The following CREBBP variants were observed in gnomAD, a reference collection of about 807,000 sequenced individuals.
The protein encoded by CREBBP is CREB-binding protein.
Under a neutral mutation model 265.0 loss-of-function variants are expected in CREBBP, and 19 were observed. The observed-to-expected ratio is 0.07, with a 90% CI of 0.05 to 0.11. The LOEUF is 0.11. Ranked by LOEUF, CREBBP falls within the 10% of genes least tolerant of loss-of-function variation. The pLI is 1.00. For synonymous variants in CREBBP, 1,457 were observed against 1,223.7 expected (o/e 1.19, Z -3.98); for missense variants, 2,525 against 3,219.0 (o/e 0.78, Z 5.22).
intron 28 of CREBBP, among the ~76,000 whole-genome samples, chr16:3,735,431 G>A (rs1596801955): frequency 6.6e-6 from 1 of 152,108 alleles, no homozygotes; most frequent in East Asian, 1.9e-4. Flanking sequence ...CTCGTAGCTG[G>A]GATTACAGGT....
chr16:3,837,582 C>T (rs2054479479), intron 2 of CREBBP, among the ~76,000 whole-genome samples: 2 of 151,490 alleles, frequency 1.3e-5, no homozygotes, highest in South Asian at 4.2e-4. Context: ...CACCACTGCA[C>T]TCCAGCCTGG....
intron 23 of CREBBP, chr16:3,740,774 C>T: frequency 1.7e-6 from 1 of 602,776 alleles, no homozygotes; most frequent in African/African-American, 1.8e-5. Flanking sequence ...CGTTTACGTG[C>T]CCAGGTAACC....
Position 3,793,654 on chromosome 16 carries a change from C to T in CREBBP, c.976-28G>A, listed in dbSNP as rs374689707. 5 of 1,608,378 alleles carry T rather than the reference C, an allele frequency of 3.1e-6. No homozygotes were observed. In the African/African-American group the frequency reaches 6.7e-5, roughly 22 times the overall value. On this transcript the variant is annotated intron_variant, in intron 3 of 30. Coordinates refer to ENST00000262367, the MANE Select transcript of CREBBP (RefSeq NM_004380.3). ...AAAATAAAGCAAAATAATAAAAATA[C>T]TTTAACCTCTCAGAGTTCCAAGTCA...
Position 3,748,235 on chromosome 16 carries a change from G to A in CREBBP, c.3836+1392C>T, listed in dbSNP as rs545649963. 3.0e-4 allele frequency among the ~76,000 whole-genome samples: 45 copies of A among 151,962 alleles called. No homozygotes were observed. The East Asian group carries it at 6.4e-3, about 22-fold the overall frequency. On this transcript the variant is annotated intron_variant, in intron 21 of 30. Transcript: ENST00000262367. Reference sequence around the variant, plus strand: ...GGAGGCTGCAGTGAGCCGAGATCGCGCCACTGCACTCCAGCCTGGGGGACA... The same window carrying A: ...GGAGGCTGCAGTGAGCCGAGATCGCACCACTGCACTCCAGCCTGGGGGACA...
chr16:3,828,174 C>A (rs1050082551), intron 2 of CREBBP, among the ~76,000 whole-genome samples: 1 of 152,112 alleles, frequency 6.6e-6, no homozygotes, highest in African/African-American at 2.4e-5. Context: ...CTCACCGCAA[C>A]CTCTGCCTCC....
intron 3 of CREBBP, 66 bp downstream of exon 3, chr16:3,810,537 G>A: frequency 1.3e-6 from 2 of 1,566,796 alleles, no homozygotes; most frequent in East Asian, 2.2e-5. Context: ...CTGTGAGAAT[G>A]GTAAAAATCC....
intron 5 of CREBBP, among the ~76,000 whole-genome samples, chr16:3,783,546 T>C (rs1013553490): frequency 1.3e-5 from 2 of 152,264 alleles, no homozygotes; most frequent in Admixed American, 6.5e-5. Context: ...CAGAGCACCA[T>C]GCTGAGCTCT....
At chr16:3,861,056 T>C (rs2055062699) in intron 1 of CREBBP, among the ~76,000 whole-genome samples, 3 of 152,050 alleles carry the variant, frequency 2.0e-5, no homozygotes, top group Admixed American at 2.0e-4. Context: ...GGGTCACCTA[T>C]GGTCAGGAGT....
intron 5 of CREBBP, among the ~76,000 whole-genome samples, chr16:3,783,612 C>G (rs751534406): frequency 6.6e-6 from 1 of 152,212 alleles, no homozygotes; most frequent in African/African-American, 2.4e-5. Context: ...ACTGACTGAG[C>G]TGTTTGAAAT....
At chr16:3,812,795 T>C (rs543069447) in intron 2 of CREBBP, 1 of 179,792 alleles carries the variant, frequency 5.6e-6, no homozygotes, top group South Asian at 2.0e-4. Context: ...GCTCTAATAT[T>C]CCACCTTCTG....
At chr16:3,763,591 G>C (rs1401992289) in intron 16 of CREBBP, among the ~76,000 whole-genome samples, 2 of 152,088 alleles carry the variant, frequency 1.3e-5, no homozygotes, top group African/African-American at 4.8e-5. Flanking sequence ...AGCCTCCTGA[G>C]TAGTTGGGAT....
At chr16:3,783,273 G>A (rs2053315314) in intron 5 of CREBBP, among the ~76,000 whole-genome samples, 1 of 152,136 alleles carries the variant, frequency 6.6e-6, no homozygotes. Flanking sequence ...GTATGACAAG[G>A]GAAACGTCTG....
intron 5 of CREBBP, 66 bp from the exon 6 acceptor site, chr16:3,782,992 AT>A: frequency 6.2e-7 from 1 of 1,600,818 alleles, no homozygotes; most frequent in Non-Finnish European, 8.5e-7. Flanking sequence ...CCCACGAATG[AT>A]TTAAAAACTA....
intron 10 of CREBBP, 86 bp downstream of exon 10, chr16:3,777,925 T>C (rs979201947): frequency 1.4e-6 from 2 of 1,475,782 alleles, no homozygotes; most frequent in Non-Finnish European, 1.9e-6. Flanking sequence ...GATATTCTAA[T>C]TCTCTGTTCT....
chr16:3,772,396 G>A (rs2053035231), intron 13 of CREBBP, among the ~76,000 whole-genome samples: 1 of 151,342 alleles, frequency 6.6e-6, no homozygotes, highest in African/African-American at 2.4e-5. Context: ...CTGTTTCAGT[G>A]CAGTGGTTCT....
chr16:3,797,617 A>G (rs529157680), intron 3 of CREBBP, among the ~76,000 whole-genome samples: 13 of 152,148 alleles, frequency 8.5e-5, no homozygotes, highest in Non-Finnish European at 1.8e-4. Flanking sequence ...CTCTCTCTCT[A>G]AACACCTTAT....
intron 1 of CREBBP, among the ~76,000 whole-genome samples, chr16:3,864,100 C>T (rs1057489978): frequency 6.6e-6 from 1 of 152,172 alleles, no homozygotes; most frequent in South Asian, 2.1e-4. Context: ...CAGCCCCAGA[C>T]CCCAGATTCC....
In CREBBP at chr16:3,728,560, C is replaced by T. The variant is rs2051815843; in HGVS notation, c.6487G>A (p.Gly2163Ser). ...AAGGCCTGGCCCTGGGGGTTCAGGC[C>T]TCCCATCGCCTGCTGCTGTGGAGGC... ...GVPPQQQAMGGLNPQGQALNI... is the reference protein window; with the variant it reads ...GVPPQQQAMGSLNPQGQALNI... The change falls in exon 31 of 31, where the codon GGC (glycine) becomes AGC (serine). Residue 2163 changes from glycine to serine, a missense_variant. Transcript: ENST00000262367. The surrounding 1 kb of genome is among the most constrained non-coding windows in gnomAD (Gnocchi z 8.7). The T allele has an allele frequency of 6.2e-7, 1 of 1,613,914 alleles. No homozygotes were observed. Among genetic ancestry groups the T allele is most frequent in the South Asian group, 1.1e-5 (1 of 91,092 alleles).
In CREBBP at chr16:3,731,422, G is replaced by C. The variant is rs2051912670; in HGVS notation, c.4942C>G (p.Pro1648Ala). The change falls in exon 30 of 31, where the codon CCC becomes GCC. Residue 1648 changes from proline to alanine, a missense_variant. Transcript: ENST00000262367. This position sits in a 1 kb window ranked among gnomAD's most constrained non-coding sequence, Gnocchi z 7.7. Reference sequence around the variant, plus strand: ...AGCAGGGGGTCGGGGTCGACGATGGGGGGCAGGGTGTTGATGACAGGCCCA... The same window carrying C: ...AGCAGGGGGTCGGGGTCGACGATGGCGGGCAGGGTGTTGATGACAGGCCCA... The part of the protein sequence containing the change: ...HAGPVINTLP[P>A]IVDPDPLLSC... The C allele has an allele frequency of 1.2e-6, 2 of 1,604,042 alleles. No individual in the cohort carries two copies. The highest frequency in any genetic ancestry group is 1.1e-5 in the South Asian group (1 of 89,370).
Sources: gnomAD v4.1 joint callset for allele counts (sites outside exome capture counted in the v4.1 genomes callset) on GRCh38, gnomAD v4.1.1 for gene constraint, Gnocchi (gnomAD v3.1) non-coding constraint, MANE v1.5 for transcripts, NCBI Gene and HGNC (gene_info 2026-07-23, HGNC 2026-07-21) for gene names.